The following ERG variants were observed in gnomAD, a reference collection of about 807,000 sequenced individuals.
The protein encoded by ERG is transcriptional regulator ERG.
ERG carries 9 observed loss-of-function variants against 55.3 expected under a neutral mutation model. The ratio of observed to expected loss-of-function variants is 0.16; its 90% CI spans 0.10 to 0.28. ERG has a LOEUF of 0.28. Among genes scored for constraint, ERG ranks in the 10% least tolerant of loss-of-function variants. The pLI is 1.00. For missense variants in ERG, 434 were observed against 631.6 expected (o/e 0.69, Z 3.35); for synonymous variants, 223 against 237.3 (o/e 0.94, Z 0.55).
intron 1 of ERG, among the ~76,000 whole-genome samples, chr21:38,489,926 C>T (rs1164597497): frequency 6.6e-6 from 1 of 152,218 alleles, no homozygotes; most frequent in Non-Finnish European, 1.5e-5. Flanking sequence ...TTCAAGCCGC[C>T]TTCCAGGTGG....
At chr21:38,480,381 T>C (rs1262616736) in intron 1 of ERG, among the ~76,000 whole-genome samples, 1 of 152,216 alleles carries the variant, frequency 6.6e-6, no homozygotes, top group Non-Finnish European at 1.5e-5. Flanking sequence ...AGGCACCAGA[T>C]GCATCCTTCC....
At chr21:38,640,140 GAAAAAT>G (rs2060414887) in intron 1 of ERG, among the ~76,000 whole-genome samples, 1 of 152,004 alleles carries the variant, frequency 6.6e-6, no homozygotes, top group African/African-American at 2.4e-5. Flanking sequence ...GAAAATCAAT[GAAAAAT>G]CAATTGAAAA....
intron 3 of ERG, among the ~76,000 whole-genome samples, chr21:38,413,059 A>G (rs977417531): frequency 2.6e-4 from 39 of 152,138 alleles, no homozygotes; most frequent in Admixed American, 1.6e-3. Flanking sequence ...CTCAGTTCCA[A>G]TTCTCTGCTT....
chr21:38,546,920 G>A (rs16996450), intron 2 of ERG, among the ~76,000 whole-genome samples: 2,676 of 152,266 alleles, frequency 0.018, 76 homozygotes, highest in African/African-American at 0.061. Flanking sequence ...ACTATCCCTG[G>A]TGGCTGGCAG....
At chr21:38,623,984 TAA>T (rs1416890426) in intron 1 of ERG, among the ~76,000 whole-genome samples, 3 of 152,314 alleles carry the variant, frequency 2.0e-5, no homozygotes, top group Admixed American at 6.5e-5. Context: ...ACATATCAAA[TAA>T]GAACATTCCT....
At chr21:38,413,465 A>G (rs1989148659) in intron 3 of ERG, among the ~76,000 whole-genome samples, 1 of 151,568 alleles carries the variant, frequency 6.6e-6, no homozygotes, top group Non-Finnish European at 1.5e-5. Context: ...TAATTAATCA[A>G]TTGTCAAAAA....
intron 2 of ERG, among the ~76,000 whole-genome samples, chr21:38,522,125 G>GT (rs369396133): frequency 3.9e-4 from 60 of 152,072 alleles, no homozygotes; most frequent in African/African-American, 1.3e-3. Flanking sequence ...ATAATTTTTC[G>GT]TAAGTGGTCC....
intron 2 of ERG, among the ~76,000 whole-genome samples, chr21:38,433,540 G>T (rs572853853): frequency 1.3e-5 from 2 of 152,158 alleles, no homozygotes; most frequent in East Asian, 3.8e-4. Context: ...TCTGACTTTG[G>T]TTTTCTCACA....
chr21:38,573,204 T>G (rs1040638768), intron 2 of ERG, among the ~76,000 whole-genome samples: 4 of 152,228 alleles, frequency 2.6e-5, no homozygotes, highest in Admixed American at 6.5e-5. Flanking sequence ...CCTCTGCCCT[T>G]GAAAGCGGGG....
chr21:38,439,865 T>A (rs1182826325), intron 2 of ERG, among the ~76,000 whole-genome samples: 1 of 152,242 alleles, frequency 6.6e-6, no homozygotes, highest in Non-Finnish European at 1.5e-5. Flanking sequence ...GGTTGGGAAC[T>A]AAGTCCTTCC....
Position 38,498,025 on chromosome 21 carries a change from C to T in ERG, c.18+338G>A, listed in dbSNP as rs2059394122. Among the ~76,000 whole-genome samples the T allele has an allele frequency of 6.6e-6, 1 of 152,234 alleles. No homozygotes were observed. Among genetic ancestry groups the T allele is most frequent in the African/African-American group, 2.4e-5 (1 of 41,458 alleles). On this transcript the variant is annotated intron_variant, in intron 1 of 9. Coordinates refer to ENST00000288319, the MANE Select transcript of ERG (RefSeq NM_182918.4). This position sits in a 1 kb window ranked among gnomAD's most constrained non-coding sequence, Gnocchi z 4.6. ...CGACCCTTCAACCTCTCCGAGTCTGCTGCCTTTTCTCAGACACACATCCAG... is the reference window on the plus strand; with the variant it reads ...CGACCCTTCAACCTCTCCGAGTCTGTTGCCTTTTCTCAGACACACATCCAG...
At chr21:38,407,883 TAATA>T (rs994262037) in intron 3 of ERG, among the ~76,000 whole-genome samples, 3 of 147,532 alleles carry the variant, frequency 2.0e-5, no homozygotes, top group African/African-American at 7.4e-5. Flanking sequence ...ATAAAATATA[TAATA>T]TATATAGAAT....
chr21:38,648,832 G>A (rs1435674271), intron 1 of ERG, among the ~76,000 whole-genome samples: 2 of 152,208 alleles, frequency 1.3e-5, no homozygotes, highest in African/African-American at 4.8e-5. Context: ...TCGCTGGCTT[G>A]TTTCTTTTAG....
At chr21:38,594,413 A>T (rs1316592216) in intron 1 of ERG, among the ~76,000 whole-genome samples, 2 of 152,222 alleles carry the variant, frequency 1.3e-5, no homozygotes, top group African/African-American at 2.4e-5. Context: ...GCATCTATAT[A>T]GAATTTTCCA....
chr21:38,553,727 A>G (rs2059839479), intron 2 of ERG, among the ~76,000 whole-genome samples: 1 of 152,138 alleles, frequency 6.6e-6, no homozygotes, highest in South Asian at 2.1e-4. Flanking sequence ...AACTATAAAA[A>G]CCTAGAAGAA....
At position 38,463,512 on chromosome 21, in the gene ERG, G is replaced by A. The variant is rs570731710; in HGVS notation, c.19-17891C>T. On this transcript the variant is annotated intron_variant, in intron 1 of 9. Coordinates refer to ENST00000288319, the MANE Select transcript of ERG (RefSeq NM_182918.4). The stretch of plus-strand genomic sequence containing the variant: ...TCCACATATCATGCACATGCAGTGC[G>A]TATTTGTTGCATGAGCTCCTGGTAT... 7.2e-5 allele frequency among the ~76,000 whole-genome samples: 11 copies of A among 152,292 alleles called. No homozygotes were observed. The South Asian group carries it at 2.1e-3, about 29-fold the overall frequency.
chr21:38,481,405 A>T (rs1337321022), intron 1 of ERG, among the ~76,000 whole-genome samples: 1 of 152,218 alleles, frequency 6.6e-6, no homozygotes, highest in Non-Finnish European at 1.5e-5. Context: ...AGTCCACTAA[A>T]AATCTTATCA....
At position 38,431,812 on chromosome 21, in the gene ERG, T is replaced by G. The variant is rs563085747; in HGVS notation, c.237-8251A>C. On this transcript the variant is annotated intron_variant, in intron 2 of 9. Coordinates refer to ENST00000288319, the MANE Select transcript of ERG (RefSeq NM_182918.4). ...AGTAAACAATATCGTTCCCAACATC[T>G]CATAATACATCTAAGACCATCCCGC... 7.2e-5 allele frequency among the ~76,000 whole-genome samples: 11 copies of G among 152,304 alleles called. No individual in the cohort carries two copies. In the South Asian group the frequency reaches 2.1e-3, roughly 29 times the overall value.
chr21:38,516,829 G>A (rs994624573), intron 2 of ERG, among the ~76,000 whole-genome samples: 2 of 151,854 alleles, frequency 1.3e-5, no homozygotes, highest in East Asian at 1.9e-4. Context: ...ACAGCCAACC[G>A]ACTTTCAACA....
Sources: gnomAD v4.1 joint callset for allele counts (sites outside exome capture counted in the v4.1 genomes callset) on GRCh38, gnomAD v4.1.1 for gene constraint, Gnocchi (gnomAD v3.1) non-coding constraint, MANE v1.5 for transcripts, NCBI Gene and HGNC (gene_info 2026-07-23, HGNC 2026-07-21) for gene names.